Variants in NPAS3 observed in about 807,000 individuals in gnomAD.
The protein encoded by NPAS3 is neuronal PAS domain-containing protein 3.
A neutral mutation model predicts 73.1 loss-of-function variants in NPAS3; 14 were observed. The ratio of observed to expected loss-of-function variants is 0.19; its 90% CI spans 0.13 to 0.30. NPAS3 has a LOEUF of 0.30. Ranked by LOEUF, NPAS3 falls within the 10% of genes least tolerant of loss-of-function variation. NPAS3 has a pLI of 1.00. For missense variants in NPAS3, 1,096 were observed against 1,250.0 expected, an observed-to-expected ratio of 0.88 and a Z score of 1.86; for synonymous variants, 620 against 541.5, an observed-to-expected ratio of 1.14 and a Z score of -2.01.
intron 2 of NPAS3, among the ~76,000 whole-genome samples, chr14:33,182,889 C>T (rs1196752760): frequency 1.3e-5 from 2 of 152,178 alleles, no homozygotes; most frequent in East Asian, 1.9e-4. Flanking sequence ...ACCCAGGCTT[C>T]GTTCCCACTG....
At chr14:33,468,975 T>TA (rs1566930126) in intron 4 of NPAS3, among the ~76,000 whole-genome samples, 1 of 152,216 alleles carries the variant, frequency 6.6e-6, no homozygotes, top group African/African-American at 2.4e-5. Context: ...TAGGATTTGA[T>TA]AATCAAGCAA....
At chr14:33,374,042 C>T (rs1483013653) in intron 4 of NPAS3, among the ~76,000 whole-genome samples, 1 of 152,034 alleles carries the variant, frequency 6.6e-6, no homozygotes, top group Non-Finnish European at 1.5e-5. Flanking sequence ...ATAACCTTAG[C>T]AGAACAGTTT....
At chr14:33,210,384 A>G (rs973485201) in intron 2 of NPAS3, among the ~76,000 whole-genome samples, 6 of 152,050 alleles carry the variant, frequency 3.9e-5, no homozygotes, top group Admixed American at 6.6e-5. Context: ...TTGGGGATAT[A>G]TTTTGCTGGC....
At chr14:33,283,907 G>A (rs1016529351) in intron 3 of NPAS3, among the ~76,000 whole-genome samples, 7 of 152,200 alleles carry the variant, frequency 4.6e-5, no homozygotes, top group Admixed American at 1.3e-4. Flanking sequence ...CATGGATCCC[G>A]TAAACCCTGT....
chr14:33,474,498 G>A (rs969363303), intron 4 of NPAS3, among the ~76,000 whole-genome samples: 1 of 152,120 alleles, frequency 6.6e-6, no homozygotes, highest in Non-Finnish European at 1.5e-5. Flanking sequence ...TGTGGACGGA[G>A]AGGAGGTAAA....
chr14:33,141,168 G>A (rs1406087352), intron 2 of NPAS3, among the ~76,000 whole-genome samples: 1 of 152,228 alleles, frequency 6.6e-6, no homozygotes. Context: ...CCAATGAATT[G>A]CGAGAGCAAT....
chr14:33,775,105 A>G (rs199828610), intron 8 of NPAS3, among the ~76,000 whole-genome samples: 1 of 152,232 alleles, frequency 6.6e-6, no homozygotes, highest in East Asian at 1.9e-4. Flanking sequence ...CTAAGCTTTT[A>G]TAAAAGGACT....
At chr14:33,043,831 A>C (rs916744601) in intron 1 of NPAS3, among the ~76,000 whole-genome samples, 19 of 152,128 alleles carry the variant, frequency 1.2e-4, no homozygotes, top group African/African-American at 4.6e-4. Flanking sequence ...AAAAAAAAAA[A>C]ACAACTTCCC....
rs1329670825 is a variant in NPAS3, at chr14:33,556,504, A to G, written c.469-3617A>G. 2.0e-5 allele frequency among the ~76,000 whole-genome samples: 3 copies of G among 152,244 alleles called. No individual in the cohort carries two copies. In the East Asian group the frequency reaches 5.8e-4, roughly 29 times the overall value. On this transcript the variant is annotated intron_variant, in intron 4 of 11. Transcript: ENST00000356141. ...AGGGAGCACTGAGCATGGAGGTAGA[A>G]CTGGATTTCATAAATCTTGATTGAG...
chr14:33,391,257 G>A (rs867207155), intron 4 of NPAS3, among the ~76,000 whole-genome samples: 45 of 143,160 alleles, frequency 3.1e-4, no homozygotes, highest in African/African-American at 1.0e-3. Flanking sequence ...GCAATGGCGC[G>A]ATCTCGGCTT....
intron 4 of NPAS3, among the ~76,000 whole-genome samples, chr14:33,499,893 G>T (rs900831845): frequency 6.6e-6 from 1 of 151,940 alleles, no homozygotes; most frequent in African/African-American, 2.4e-5. Context: ...GAAAAAGAAT[G>T]CCTGGTCTGT....
chr14:32,995,789 C>A (rs1021151393), intron 1 of NPAS3, among the ~76,000 whole-genome samples: 1 of 152,182 alleles, frequency 6.6e-6, no homozygotes, highest in African/African-American at 2.4e-5. Flanking sequence ...CTCCATTAAA[C>A]CTCTTTCCTT....
intron 2 of NPAS3, among the ~76,000 whole-genome samples, chr14:33,206,208 G>A (rs939557120): frequency 4.6e-5 from 7 of 152,054 alleles, no homozygotes; most frequent in East Asian, 1.9e-4. Flanking sequence ...TTCCTATAGC[G>A]GCAATATTGC....
At chr14:32,994,545 G>T (rs942379115) in intron 1 of NPAS3, among the ~76,000 whole-genome samples, 1 of 150,434 alleles carries the variant, frequency 6.6e-6, no homozygotes, top group Non-Finnish European at 1.5e-5. Flanking sequence ...GATGCAGGTT[G>T]CAAGATAACT....
chr14:33,201,059 A>C (rs1203338632), intron 2 of NPAS3, among the ~76,000 whole-genome samples: 1 of 152,230 alleles, frequency 6.6e-6, no homozygotes, highest in African/African-American at 2.4e-5. Context: ...ATTTTATGAG[A>C]TGAGATATGA....
chr14:32,960,522 C>A (rs1156601454), intron 1 of NPAS3, among the ~76,000 whole-genome samples: 2 of 152,092 alleles, frequency 1.3e-5, no homozygotes, highest in African/African-American at 2.4e-5. Flanking sequence ...AAATTGTAGA[C>A]CATTTTTTAA....
At chr14:33,520,486 G>A (rs1410080362) in intron 4 of NPAS3, among the ~76,000 whole-genome samples, 2 of 152,036 alleles carry the variant, frequency 1.3e-5, no homozygotes, top group Non-Finnish European at 2.9e-5. Context: ...GAAAAAAAGT[G>A]AAACTGGAAA....
At chr14:33,592,717 G>A (rs1045760989) in intron 5 of NPAS3, among the ~76,000 whole-genome samples, 3 of 152,308 alleles carry the variant, frequency 2.0e-5, no homozygotes, top group African/African-American at 2.4e-5. Context: ...TCTTAAATGC[G>A]AAGCAAAGGA....
At chr14:33,327,364 A>G (rs2043756747) in intron 3 of NPAS3, among the ~76,000 whole-genome samples, 1 of 152,220 alleles carries the variant, frequency 6.6e-6, no homozygotes, top group South Asian at 2.1e-4. Flanking sequence ...CCAGCATTCT[A>G]TACGAGGAAA....
Sources: gnomAD v4.1 joint callset for allele counts (sites outside exome capture counted in the v4.1 genomes callset) on GRCh38, gnomAD v4.1.1 for gene constraint, MANE v1.5 for transcripts, NCBI Gene and HGNC (gene_info 2026-07-23, HGNC 2026-07-21) for gene names.